KLHL31: variants seen among roughly 807,000 people sequenced by gnomAD.
The protein encoded by KLHL31 is kelch-like protein 31.
Under a neutral mutation model 47.1 loss-of-function variants are expected in KLHL31, and 32 were observed. The observed-to-expected ratio is 0.68, with a 90% confidence interval of 0.51 to 0.91. The LOEUF (loss-of-function observed/expected upper bound fraction) is 0.91, where lower values mean the gene tolerates loss of function less well. KLHL31 is among the 40% of genes least tolerant of loss of function. KLHL31 has a pLI of 0.00. For synonymous variants in KLHL31, 330 were observed against 325.1 expected (o/e 1.01, Z -0.16); for missense variants, 797 against 819.3 (o/e 0.97, Z 0.33).
At position 53,650,963 on chromosome 6, in the gene KLHL31, T is replaced by G. The variant is rs1189449488; in HGVS notation, c.*635A>C. On this transcript the variant is annotated 3_prime_UTR_variant, in exon 3 of 3. Coordinates refer to ENST00000370905, the MANE Select transcript of KLHL31 (RefSeq NM_001003760.5). Reference sequence around the variant, plus strand: ...TCCGCTAACACAAAGGTTATCAAATTTAGGGTCCCTGGGTGGAATCCCTAT... The same window carrying G: ...TCCGCTAACACAAAGGTTATCAAATGTAGGGTCCCTGGGTGGAATCCCTAT... 6.6e-6 allele frequency: 1 copy of G among 152,186 alleles called. No individual in the cohort carries two copies. Among genetic ancestry groups the G allele is most frequent in the Non-Finnish European group, 1.5e-5 (1 of 68,032 alleles). 9.4% of individuals were successfully genotyped at this position (152,186 alleles called of 1,614,324 possible).
chr6:53,654,940 C>A lies in KLHL31; in HGVS notation c.333G>T (p.Val111=). 6.2e-7 allele frequency: 1 copy of A among 1,614,120 alleles called. No individual in the cohort carries two copies. Among genetic ancestry groups the A allele is most frequent in the Non-Finnish European group, 8.5e-7 (1 of 1,180,004 alleles). ...ILKKDPSIQR[V]DLNDISPLGL... ...CTAGTGGTGAGATATCATTGAGATC[C>A]ACCCTCTGAATTGACGGGTCTTTTT... is the stretch of plus-strand genomic sequence containing the variant. Residue 111 remains valine, a synonymous_variant, in exon 2 of 3, where the codon GTG becomes GTT. Transcript: ENST00000370905.
Position 53,648,520 on chromosome 6 carries a change from G to A in KLHL31, c.*3078C>T, listed in dbSNP as rs1764424923. 1 of 152,132 alleles carries A rather than the reference G, an allele frequency of 6.6e-6. No homozygotes were observed. The highest frequency in any genetic ancestry group is 2.1e-4 in the South Asian group (1 of 4,828). 9.4% of individuals were successfully genotyped at this position (152,132 alleles called of 1,614,324 possible). On this transcript the variant is annotated 3_prime_UTR_variant, in exon 3 of 3. Transcript: ENST00000370905. ...TCCAGGTAAACCTCTATTTACATGTGTATTTGTAAAATACACTTACTACAA... is the reference window on the plus strand; with the variant it reads ...TCCAGGTAAACCTCTATTTACATGTATATTTGTAAAATACACTTACTACAA...
At position 53,654,167 on chromosome 6, in the gene KLHL31, A is replaced by T; in HGVS notation, c.1106T>A (p.Val369Glu). The change falls in exon 2 of 3, where the codon GTA (valine) becomes GAA (glutamate). Residue 369 changes from valine to glutamate, a missense_variant. Coordinates refer to ENST00000370905, the MANE Select transcript of KLHL31 (RefSeq NM_001003760.5). The part of the protein sequence containing the change: ...CVAVMDGFLY[V>E]AGGEDQNDAR... The stretch of plus-strand genomic sequence containing the variant: ...ATCATTCTGGTCTTCACCACCGGCT[A>T]CATAAAGAAATCCATCCATCACAGC... 2.5e-6 allele frequency: 4 copies of T among 1,614,084 alleles called. No individual in the cohort carries two copies. The highest frequency in any genetic ancestry group is 2.5e-6 in the Non-Finnish European group (3 of 1,179,978).
chr6:53,660,496 G>A (rs1323419218), intron 1 of KLHL31, among the ~76,000 whole-genome samples: 1 of 152,128 alleles, frequency 6.6e-6, no homozygotes, highest in Non-Finnish European at 1.5e-5. Flanking sequence ...AGAAGGAGAG[G>A]AACAGGCAGG....
chr6:53,657,219 A>T (rs1037783551), intron 1 of KLHL31, among the ~76,000 whole-genome samples: 3 of 152,144 alleles, frequency 2.0e-5, no homozygotes, highest in Non-Finnish European at 2.9e-5. Context: ...GATTACAGGC[A>T]TGAGCCACCT....
In KLHL31 at chr6:53,649,882, CG is replaced by C. The variant is rs1764440558; in HGVS notation, c.*1715del. On this transcript the variant is annotated 3_prime_UTR_variant, in exon 3 of 3. Coordinates refer to ENST00000370905, the MANE Select transcript of KLHL31 (RefSeq NM_001003760.5). ...TGTGTGGGATAAGGAAACAGCCCAG[CG>C]CTTTTACATTAATAATATCTTGTTC... is the stretch of plus-strand genomic sequence containing the variant. The C allele has an allele frequency of 6.6e-6, 1 of 152,142 alleles. No homozygotes were observed. Among genetic ancestry groups the C allele is most frequent in the Admixed American group, 6.5e-5 (1 of 15,278 alleles). The allele number at this position is 152,142 out of a possible 1,614,324, so 9.4% of individuals were successfully genotyped here.
intron 1 of KLHL31, among the ~76,000 whole-genome samples, chr6:53,657,849 A>ATCCTCTTTTTGTTTTGTTTT (rs1488273805): frequency 6.6e-6 from 1 of 152,178 alleles, no homozygotes. Context: ...ATTCTTTTCC[A>ATCCTCTTTTTGTTTTGTTTT]GTGCTTTTGT....
At chr6:53,662,786 T>A (rs1297651097) in intron 1 of KLHL31, among the ~76,000 whole-genome samples, 5 of 152,356 alleles carry the variant, frequency 3.3e-5, no homozygotes, top group Non-Finnish European at 5.9e-5. Flanking sequence ...CAGAATTACG[T>A]AAATCATTAC....
In KLHL31 at chr6:53,650,480, T is replaced by A. The variant is rs1379407406; in HGVS notation, c.*1118A>T. On this transcript the variant is annotated 3_prime_UTR_variant, in exon 3 of 3. Transcript: ENST00000370905. Reference sequence around the variant, plus strand: ...CTTAAGAAATCAGGAGGATCCATATTAAATGGGAAACAATGGCATTTATCA... The same window carrying A: ...CTTAAGAAATCAGGAGGATCCATATAAAATGGGAAACAATGGCATTTATCA... The A allele has an allele frequency of 2.6e-5, 4 of 152,224 alleles. No individual in the cohort carries two copies. The highest frequency in any genetic ancestry group is 2.0e-4 in the Admixed American group (3 of 15,286). 9.4% of individuals were successfully genotyped at this position (152,224 alleles called of 1,614,324 possible).
rs1764531575 is a variant in KLHL31, at chr6:53,654,781, T to C, written c.492A>G (p.Ile164Met). ...TGCAATTCTCAACACTCATCTCCCG[T>C]ATCAGAAAATCACTGCACATCTTTA... is the stretch of plus-strand genomic sequence containing the variant. ...TLVKMCSDFL[I>M]REMSVENCMY... is the part of the protein sequence containing the mutation. The change falls in exon 2 of 3, where the codon ATA becomes ATG. Residue 164 changes from isoleucine to methionine, a missense_variant. Ile to Met is a conservative substitution (Grantham distance 10). Coordinates refer to ENST00000370905, the MANE Select transcript of KLHL31 (RefSeq NM_001003760.5). 6.2e-7 allele frequency: 1 copy of C among 1,614,048 alleles called. No individual in the cohort carries two copies. The highest frequency in any genetic ancestry group is 1.7e-5 in the Admixed American group (1 of 60,010).
At chr6:53,658,309 TGC>T (rs1764600307) in intron 1 of KLHL31, among the ~76,000 whole-genome samples, 1 of 152,130 alleles carries the variant, frequency 6.6e-6, no homozygotes, top group South Asian at 2.1e-4. Context: ...ATACAGGGCT[TGC>T]AAATGCTTAT....
rs1764477758 is a variant in KLHL31, at chr6:53,651,967, G to C, written c.1536C>G (p.Ser512Arg). 1 of 1,593,080 alleles carries C rather than the reference G, an allele frequency of 6.3e-7. No homozygotes were observed. Among genetic ancestry groups the C allele is most frequent in the Non-Finnish European group, 8.5e-7 (1 of 1,176,130 alleles). ...PRGWHCAVTLSDRVYVMGGSQ... is the reference protein window; with the variant it reads ...PRGWHCAVTLRDRVYVMGGSQ... ...TGCCGCCCATCACGTACACTCTGTC[G>C]CTCAGCGTGACCGCGCAGTGCCAGC... Residue 512 changes from serine to arginine, a missense_variant, in exon 3 of 3, where the codon AGC (serine) becomes AGG (arginine). Physicochemically the swap from Ser to Arg is moderately radical, Grantham distance 110. Coordinates refer to ENST00000370905, the MANE Select transcript of KLHL31 (RefSeq NM_001003760.5).
At chr6:53,664,029 A>C (rs1444147715) in intron 1 of KLHL31, among the ~76,000 whole-genome samples, 4 of 152,218 alleles carry the variant, frequency 2.6e-5, no homozygotes, top group African/African-American at 9.6e-5. Flanking sequence ...CTGTTCCTAC[A>C]TTAAATCTCC....
chr6:53,656,340 G>T (rs1581789392), intron 1 of KLHL31, among the ~76,000 whole-genome samples: 1 of 152,158 alleles, frequency 6.6e-6, no homozygotes, highest in Admixed American at 6.5e-5. Context: ...TAGGAATTTT[G>T]TTTAAAAATA....
At position 53,651,796 on chromosome 6, in the gene KLHL31, CAGGT is replaced by C; in HGVS notation, c.1703_1706del (p.Tyr568TrpfsTer50). ...TCTCGCCCTCGTTCCAGCCCCCCAC[CAGGT>C]AGGCGCGGCCATGCAGCGCCGAGAC... On this transcript the variant is annotated frameshift_variant, in exon 3 of 3. Coordinates refer to ENST00000370905, the MANE Select transcript of KLHL31 (RefSeq NM_001003760.5). LOFTEE classifies it high-confidence loss of function. 1 of 1,613,378 alleles carries C rather than the reference CAGGT, an allele frequency of 6.2e-7. No individual in the cohort carries two copies. The highest frequency in any genetic ancestry group is 8.5e-7 in the Non-Finnish European group (1 of 1,180,022).
At chr6:53,655,490 G>A (rs967247045) in intron 1 of KLHL31, among the ~76,000 whole-genome samples, 185 bp from the exon 2 acceptor site, 3 of 152,102 alleles carry the variant, frequency 2.0e-5, no homozygotes, top group African/African-American at 7.2e-5. Context: ...TCAGCATGAA[G>A]CATTGAAGAC....
intron 1 of KLHL31, among the ~76,000 whole-genome samples, chr6:53,664,687 A>G (rs1764694023): frequency 6.6e-6 from 1 of 152,244 alleles, no homozygotes. Flanking sequence ...CTGGGAGTCC[A>G]CAACAGGGTA....
At chr6:53,657,467 T>C (rs1277061852) in intron 1 of KLHL31, among the ~76,000 whole-genome samples, 1 of 152,222 alleles carries the variant, frequency 6.6e-6, no homozygotes, top group Non-Finnish European at 1.5e-5. Flanking sequence ...CACCTTTCTA[T>C]AGCAGTACAT....
chr6:53,653,005 A>C (rs1581787105), intron 2 of KLHL31, among the ~76,000 whole-genome samples: 1 of 149,158 alleles, frequency 6.7e-6, no homozygotes, highest in Admixed American at 6.8e-5. Context: ...AGCACTTGTC[A>C]GTAGAGAAGA....
Sources: allele counts gnomAD v4.1 joint callset (sites outside exome capture counted in the v4.1 genomes callset), GRCh38; gene constraint gnomAD v4.1.1; transcripts MANE v1.5; gene names NCBI Gene and HGNC (gene_info 2026-07-23, HGNC 2026-07-21).